The following GRM8 variants were observed in gnomAD, a reference collection of about 807,000 sequenced individuals.
The protein encoded by GRM8 is glutamate metabotropic receptor 8.
Under a neutral mutation model 87.2 loss-of-function variants are expected in GRM8, and 47 were observed. The observed-to-expected ratio is 0.54, with a 90% CI of 0.43 to 0.69. The LOEUF (loss-of-function observed/expected upper bound fraction) is 0.69. GRM8 is among the 30% of genes least tolerant of loss of function. The pLI is 0.00. For missense variants in GRM8, 1,019 were observed against 1,139.2 expected (o/e 0.89, Z 1.52); for synonymous variants, 396 against 404.5 (o/e 0.98, Z 0.25).
At chr7:126,548,486 A>G (rs62479315) in intron 8 of GRM8, among the ~76,000 whole-genome samples, 54,624 of 151,768 alleles carry the variant, frequency 0.36, 9,933 homozygotes, top group East Asian at 0.44. Context: ...TACTAGCTAT[A>G]AGGACAACAA....
intron 2 of GRM8, chr7:127,219,829 A>C (rs1796805862): frequency 1.3e-5 from 2 of 152,274 alleles, no homozygotes. Context: ...GAGACAAGGC[A>C]TCTGAGGGGC....
chr7:126,752,372 C>T (rs1816524667), intron 7 of GRM8, among the ~76,000 whole-genome samples: 1 of 152,076 alleles, frequency 6.6e-6, no homozygotes, highest in Non-Finnish European at 1.5e-5. Context: ...GTTTGCTATG[C>T]TATACTTTCC....
At chr7:127,127,455 T>G (rs111370070) in intron 2 of GRM8, among the ~76,000 whole-genome samples, 1 of 151,960 alleles carries the variant, frequency 6.6e-6, no homozygotes, top group Non-Finnish European at 1.5e-5. Context: ...AACTTGGCAA[T>G]CAAAATAAAT....
At chr7:126,573,321 CAA>C (rs1305375793) in intron 8 of GRM8, among the ~76,000 whole-genome samples, 2 of 151,742 alleles carry the variant, frequency 1.3e-5, no homozygotes, top group Non-Finnish European at 2.9e-5. Flanking sequence ...AACAAACAAA[CAA>C]AAAATAAGTT....
chr7:127,123,772 A>C (rs1396433946), intron 2 of GRM8, among the ~76,000 whole-genome samples: 4 of 152,170 alleles, frequency 2.6e-5, no homozygotes, highest in Non-Finnish European at 5.9e-5. Flanking sequence ...TATTTTTCAA[A>C]TATTTTGTAG....
At chr7:127,047,150 T>C (rs959015356) in intron 3 of GRM8, among the ~76,000 whole-genome samples, 1 of 152,188 alleles carries the variant, frequency 6.6e-6, no homozygotes, top group African/African-American at 2.4e-5. Flanking sequence ...TTAAAAAGTT[T>C]ATTGGAAAAC....
chr7:127,148,961 G>A (rs576227529), intron 2 of GRM8, among the ~76,000 whole-genome samples: 4 of 151,844 alleles, frequency 2.6e-5, no homozygotes, highest in Non-Finnish European at 5.9e-5. Flanking sequence ...CTAAACATAA[G>A]ACCAGAAACT....
chr7:126,805,095 C>T (rs1216054074), intron 6 of GRM8, among the ~76,000 whole-genome samples: 1 of 152,084 alleles, frequency 6.6e-6, no homozygotes, highest in Non-Finnish European at 1.5e-5. Context: ...ACTCATGATC[C>T]CTATAATAAT....
At chr7:126,880,459 C>T (rs183187629) in intron 6 of GRM8, among the ~76,000 whole-genome samples, 2,055 of 152,200 alleles carry the variant, frequency 0.014, 42 homozygotes, top group African/African-American at 0.047. Flanking sequence ...TAAAATTAGC[C>T]TCTTAGGACT....
At chr7:126,511,013 G>A (rs1321546048) in intron 9 of GRM8, 1 of 152,132 alleles carries the variant, frequency 6.6e-6, no homozygotes, top group Admixed American at 6.6e-5. Context: ...TGTTGGTGAA[G>A]CAGACAGGTA....
intron 9 of GRM8, among the ~76,000 whole-genome samples, chr7:126,505,009 G>C (rs1348018232): frequency 6.6e-6 from 1 of 152,018 alleles, no homozygotes; most frequent in Non-Finnish European, 1.5e-5. Flanking sequence ...GAAAAATGGA[G>C]GGCTTCAATT....
At chr7:127,028,716 C>G (rs1302757417) in intron 3 of GRM8, among the ~76,000 whole-genome samples, 4 of 151,812 alleles carry the variant, frequency 2.6e-5, no homozygotes, top group Non-Finnish European at 5.9e-5. Flanking sequence ...CTATTTGATC[C>G]TTCTTTCTTT....
intron 9 of GRM8, among the ~76,000 whole-genome samples, chr7:126,503,735 G>A (rs1809993187): frequency 6.6e-6 from 1 of 152,010 alleles, no homozygotes; most frequent in Non-Finnish European, 1.5e-5. Context: ...ATAGCAGTGT[G>A]TATTAGGCCC....
At chr7:126,451,649 C>G (rs1429173563) in intron 9 of GRM8, among the ~76,000 whole-genome samples, 1 of 151,804 alleles carries the variant, frequency 6.6e-6, no homozygotes, top group African/African-American at 2.4e-5. Flanking sequence ...CAATGGTCCA[C>G]AAGATCCTCT....
rs1055402072 is a variant in GRM8 at position 126,933,267 on chromosome 7, G to C, written c.728-28584C>G. 4.1e-4 allele frequency among the ~76,000 whole-genome samples: 62 copies of C among 152,194 alleles called. 1 individual carries two copies. Among genetic ancestry groups the C allele is most frequent in the Admixed American group, 4.6e-4 (7 of 15,280 alleles). On this transcript the variant is annotated intron_variant, in intron 3 of 10. Coordinates refer to ENST00000339582, the MANE Select transcript of GRM8 (RefSeq NM_000845.3). Reference sequence around the variant, plus strand: ...GGATTCAAAGCTACAGAAAAGCAAGGGGAGGGCTCCTTTAGGTTGTACAGT... The same window carrying C: ...GGATTCAAAGCTACAGAAAAGCAAGCGGAGGGCTCCTTTAGGTTGTACAGT...
chr7:126,556,177 A>ATT (rs1424636931), intron 8 of GRM8, among the ~76,000 whole-genome samples: 1 of 152,164 alleles, frequency 6.6e-6, no homozygotes, highest in African/African-American at 2.4e-5. Flanking sequence ...TCATGAAAGC[A>ATT]GCTGCATGTT....
intron 6 of GRM8, among the ~76,000 whole-genome samples, chr7:126,819,993 G>A (rs1301734120): frequency 6.6e-6 from 1 of 152,098 alleles, no homozygotes; most frequent in Non-Finnish European, 1.5e-5. Context: ...ACTACTGGAT[G>A]CTTGAAATTT....
intron 6 of GRM8, among the ~76,000 whole-genome samples, chr7:126,819,275 T>TACACACACACACACAC (rs3038867): frequency 0.21 from 30,468 of 148,102 alleles, 3,806 homozygotes; most frequent in Non-Finnish European, 0.28. Context: ...CAGACACACA[T>TACACACACACACACAC]ACACACACAC....
At chr7:127,125,340 A>T (rs1827301847) in intron 2 of GRM8, among the ~76,000 whole-genome samples, 1 of 152,086 alleles carries the variant, frequency 6.6e-6, no homozygotes, top group South Asian at 2.1e-4. Context: ...GATGCCAAGA[A>T]AATTCAAAGG....
Sources: allele counts gnomAD v4.1 joint callset (sites outside exome capture counted in the v4.1 genomes callset), GRCh38; gene constraint gnomAD v4.1.1; transcripts MANE v1.5; gene names NCBI Gene and HGNC (gene_info 2026-07-23, HGNC 2026-07-21).